Variants in SGCD observed in about 807,000 individuals in gnomAD.
SGCD encodes sarcoglycan delta.
A neutral mutation model predicts 36.6 loss-of-function variants in SGCD; 18 were observed. The ratio of observed to expected loss-of-function variants is 0.49; its 90% CI spans 0.34 to 0.73. The LOEUF (loss-of-function observed/expected upper bound fraction) is 0.73, where lower values mean the gene tolerates loss of function less well. Among genes scored for constraint, SGCD ranks in the 30% least tolerant of loss-of-function variants. The pLI, the probability that SGCD is intolerant of heterozygous loss-of-function variation, is 0.01. For synonymous variants in SGCD, 133 were observed against 130.6 expected, an observed-to-expected ratio of 1.02 and a Z score of -0.12; for missense variants, 387 against 346.7, an observed-to-expected ratio of 1.12 and a Z score of -0.92.
rs566579336 is a variant in SGCD at position 156,156,795 on chromosome 5, C to T, written c.-44+32776C>T. ...AATCACCGACTTCTACTTGGGATTC[C>T]GCCCTCAAATGTGTCACAATTAAAT... On this transcript the variant is annotated intron_variant, in intron 3 of 9. Coordinates refer to the SGCD transcript ENST00000517913. 1.6e-3 allele frequency among the ~76,000 whole-genome samples: 235 copies of T among 151,498 alleles called. 18 individuals carry two copies. Among genetic ancestry groups the T allele is most frequent in the African/African-American group, 5.4e-3 (222 of 40,914 alleles).
intron 3 of SGCD, among the ~76,000 whole-genome samples, chr5:156,392,752 T>C (rs1479308719): frequency 6.6e-6 from 1 of 152,176 alleles, no homozygotes; most frequent in Non-Finnish European, 1.5e-5. Context: ...TAGTTTTCCC[T>C]TGGAGTCGGG....
At chr5:156,596,974 T>C (rs556217070) in intron 6 of SGCD, among the ~76,000 whole-genome samples, 57 of 152,284 alleles carry the variant, frequency 3.7e-4, no homozygotes, top group African/African-American at 1.3e-3. Flanking sequence ...GAGCTCAGCA[T>C]AGTCAAAAGA....
chr5:156,742,450 A>G (rs780497094), intron 7 of SGCD, among the ~76,000 whole-genome samples: 16 of 152,128 alleles, frequency 1.1e-4, no homozygotes, highest in East Asian at 1.9e-4. Context: ...AATAAAATCT[A>G]CAACACTAGA....
At chr5:156,501,230 C>A (rs1032784630) in intron 3 of SGCD, among the ~76,000 whole-genome samples, 17 of 152,268 alleles carry the variant, frequency 1.1e-4, no homozygotes, top group Non-Finnish European at 1.6e-4. Context: ...CCTCCTTTCC[C>A]AGCACATCTA....
At chr5:156,711,718 T>A (rs911593160) in intron 7 of SGCD, among the ~76,000 whole-genome samples, 2 of 152,126 alleles carry the variant, frequency 1.3e-5, no homozygotes, top group African/African-American at 4.8e-5. Context: ...GCAAAATAAA[T>A]CTCTCTGTAG....
chr5:155,937,767 G>A (rs961812493), intron 1 of SGCD, among the ~76,000 whole-genome samples: 1 of 152,210 alleles, frequency 6.6e-6, no homozygotes, highest in Admixed American at 6.5e-5. Context: ...CTGCAAATGT[G>A]ACGTGGACAC....
chr5:156,036,439 A>G (rs1759498358), intron 1 of SGCD, among the ~76,000 whole-genome samples: 1 of 152,176 alleles, frequency 6.6e-6, no homozygotes, highest in South Asian at 2.1e-4. Flanking sequence ...ATTTAAAGCA[A>G]AGAATGACAG....
chr5:156,517,474 T>C (rs1236755813), intron 4 of SGCD, among the ~76,000 whole-genome samples: 1 of 152,106 alleles, frequency 6.6e-6, no homozygotes, highest in Non-Finnish European at 1.5e-5. Flanking sequence ...AACATTCAAA[T>C]TCAGGAAATC....
chr5:156,116,517 T>G (rs1187250696), intron 1 of SGCD, among the ~76,000 whole-genome samples: 1 of 152,018 alleles, frequency 6.6e-6, no homozygotes, highest in Non-Finnish European at 1.5e-5. Flanking sequence ...ATGAAAAGAG[T>G]ACTCACAAAA....
At chr5:156,228,587 A>C (rs1263960047) in intron 3 of SGCD, among the ~76,000 whole-genome samples, 1 of 152,172 alleles carries the variant, frequency 6.6e-6, no homozygotes, top group African/African-American at 2.4e-5. Context: ...GTATCTGATC[A>C]ATTCTGCAAT....
chr5:156,080,823 T>G (rs1002859272), intron 1 of SGCD, among the ~76,000 whole-genome samples: 6 of 152,340 alleles, frequency 3.9e-5, no homozygotes, highest in African/African-American at 1.4e-4. Context: ...AACCAGTCTT[T>G]AAAAATTCCA....
intron 7 of SGCD, among the ~76,000 whole-genome samples, chr5:156,677,520 C>G (rs751008019): frequency 1.3e-5 from 2 of 151,782 alleles, no homozygotes; most frequent in Non-Finnish European, 2.9e-5. Context: ...TGGGGAACAT[C>G]ACATACCAGG....
intron 7 of SGCD, among the ~76,000 whole-genome samples, chr5:156,682,332 T>C (rs76864066): frequency 0.011 from 1,732 of 152,362 alleles, 12 homozygotes; most frequent in Non-Finnish European, 0.019. Context: ...TAGGATGTTA[T>C]GGGCATCTGA....
At chr5:156,174,593 T>C (rs1052609481) in intron 3 of SGCD, among the ~76,000 whole-genome samples, 10 of 152,230 alleles carry the variant, frequency 6.6e-5, no homozygotes, top group Non-Finnish European at 1.3e-4. Context: ...GATGAGACAG[T>C]TGGTGCTCCT....
At chr5:156,234,622 C>G (rs1277176034) in intron 3 of SGCD, among the ~76,000 whole-genome samples, 1 of 152,142 alleles carries the variant, frequency 6.6e-6, no homozygotes, top group Non-Finnish European at 1.5e-5. Context: ...GTCTGAGAAT[C>G]AAAATCACAG....
intron 1 of SGCD, among the ~76,000 whole-genome samples, chr5:156,106,212 T>C (rs1761645736): frequency 6.6e-6 from 1 of 151,000 alleles, no homozygotes; most frequent in Non-Finnish European, 1.5e-5. Context: ...TGCTTATGTG[T>C]AGGGACAGGA....
intron 7 of SGCD, among the ~76,000 whole-genome samples, chr5:156,723,507 G>A (rs1415696082): frequency 6.6e-6 from 1 of 152,222 alleles, no homozygotes; most frequent in East Asian, 1.9e-4. Flanking sequence ...GAGAATAAAT[G>A]AATCCAGCAA....
chr5:156,112,558 G>T (rs74359919), intron 1 of SGCD, among the ~76,000 whole-genome samples: 3 of 152,160 alleles, frequency 2.0e-5, no homozygotes, highest in Non-Finnish European at 4.4e-5. Context: ...TAGGTTTTAA[G>T]GGATTGTTAT....
At chr5:156,495,035 A>G (rs1172559791) in intron 3 of SGCD, among the ~76,000 whole-genome samples, 1 of 152,052 alleles carries the variant, frequency 6.6e-6, no homozygotes, top group East Asian at 1.9e-4. Context: ...GAGGAGAGAA[A>G]GTCATGTCTT....
Sources: gnomAD v4.1 joint callset for allele counts (sites outside exome capture counted in the v4.1 genomes callset) on GRCh38, gnomAD v4.1.1 for gene constraint, MANE v1.5 for transcripts, NCBI Gene and HGNC (gene_info 2026-07-23, HGNC 2026-07-21) for gene names.